NIBAN1: variants seen among roughly 807,000 people sequenced by gnomAD.
The protein encoded by NIBAN1 is protein Niban 1.
A neutral mutation model predicts 75.1 loss-of-function variants in NIBAN1; 81 were observed. That is an observed-to-expected ratio of 1.08 (90% CI 0.90 to 1.30). NIBAN1 has a LOEUF of 1.30. Ranked by LOEUF, NIBAN1 falls within the 50% of genes most tolerant of loss-of-function variation. NIBAN1 has a pLI of 0.00. For synonymous variants in NIBAN1, 436 were observed against 424.8 expected, an observed-to-expected ratio of 1.03 and a Z score of -0.32; for missense variants, 1,133 against 1,128.1, an observed-to-expected ratio of 1.00 and a Z score of -0.06.
rs141177287 is a variant in NIBAN1, at chr1:184,862,249, C to T, written c.601+22384G>A. Among the ~76,000 whole-genome samples the T allele has an allele frequency of 1.8e-3, 276 of 152,216 alleles. 3 individuals are homozygous for T. The South Asian group carries it at 0.022, about 12-fold the overall frequency. The stretch of plus-strand genomic sequence containing the variant: ...TGGAAGTGGCTAGCTAACACTGGGT[C>T]TCTTGATCCTCCTCAGGTCAGCTTC... On this transcript the variant is annotated intron_variant, in intron 5 of 13. Coordinates refer to ENST00000367511, the MANE Select transcript of NIBAN1 (RefSeq NM_052966.4).
intron 5 of NIBAN1, among the ~76,000 whole-genome samples, chr1:184,852,427 G>T (rs193044869): frequency 1.1e-4 from 17 of 152,316 alleles, no homozygotes; most frequent in African/African-American, 4.1e-4. Flanking sequence ...CACTGCACTA[G>T]AATGTCCTTA....
chr1:184,824,593 G>C (rs1227223740), intron 6 of NIBAN1, among the ~76,000 whole-genome samples: 1 of 152,210 alleles, frequency 6.6e-6, no homozygotes, highest in Non-Finnish European at 1.5e-5. Context: ...TGCCAGAACA[G>C]ACCAGGCACA....
intron 5 of NIBAN1, among the ~76,000 whole-genome samples, chr1:184,873,415 C>G (rs750433732): frequency 1.3e-5 from 2 of 152,184 alleles, no homozygotes; most frequent in African/African-American, 4.8e-5. Context: ...ACAACAGATG[C>G]AAGAAGAGCT....
intron 2 of NIBAN1, among the ~76,000 whole-genome samples, chr1:184,897,728 G>A (rs1656837828): frequency 6.6e-6 from 1 of 152,146 alleles, no homozygotes; most frequent in South Asian, 2.1e-4. Flanking sequence ...TTCCTTCTAA[G>A]TAAAAGGCAA....
intron 5 of NIBAN1, among the ~76,000 whole-genome samples, chr1:184,877,458 C>T (rs1277367000): frequency 6.6e-6 from 1 of 152,044 alleles, no homozygotes; most frequent in African/African-American, 2.4e-5. Context: ...AAACATTCTT[C>T]TAAATCTACT....
At chr1:184,892,612 CT>C (rs1248485141) in intron 3 of NIBAN1, among the ~76,000 whole-genome samples, 1 of 152,082 alleles carries the variant, frequency 6.6e-6, no homozygotes, top group Non-Finnish European at 1.5e-5. Flanking sequence ...CAAGAGAGCA[CT>C]TGAGCTTTGC....
chr1:184,931,094 G>T (rs1470679367), intron 1 of NIBAN1, among the ~76,000 whole-genome samples: 1 of 150,780 alleles, frequency 6.6e-6, no homozygotes, highest in African/African-American at 2.5e-5. Flanking sequence ...CCATCTTCTG[G>T]GTTCAAGCAA....
At chr1:184,905,698 C>T (rs565627613) in intron 1 of NIBAN1, among the ~76,000 whole-genome samples, 2 of 152,284 alleles carry the variant, frequency 1.3e-5, no homozygotes, top group South Asian at 2.1e-4. Flanking sequence ...AGCAATCACA[C>T]CTTCTTTGGC....
chr1:184,836,668 A>G (rs560186429), intron 5 of NIBAN1, among the ~76,000 whole-genome samples: 1 of 152,348 alleles, frequency 6.6e-6, no homozygotes, highest in Admixed American at 6.5e-5. Flanking sequence ...AGAAGAGAAG[A>G]AAAGTATTAA....
At chr1:184,943,959 G>A (rs1411633232) in intron 1 of NIBAN1, among the ~76,000 whole-genome samples, 2 of 152,158 alleles carry the variant, frequency 1.3e-5, no homozygotes, top group East Asian at 1.9e-4. Flanking sequence ...TGGATAGGAT[G>A]ATCTTGCAAA....
Position 184,846,008 on chromosome 1 carries a change from G to C in NIBAN1, c.602-14046C>G, listed in dbSNP as rs1233364344. On this transcript the variant is annotated intron_variant, in intron 5 of 13. Transcript: ENST00000367511. ...AATCTCGCTGATTGCTAGCACAGCA[G>C]TCTGAGATCAAACTGCAAGGCGGCA... 1.5e-4 allele frequency among the ~76,000 whole-genome samples: 13 copies of C among 85,172 alleles called. 6 individuals carry two copies. The highest frequency in any genetic ancestry group is 7.0e-4 in the South Asian group (2 of 2,862). The allele number at this position is 85,172 out of a possible 152,430, so 55.9% of individuals were successfully genotyped here.
rs543307101 is a variant in NIBAN1, at chr1:184,897,900, C to A, written c.186+1279G>T. Among the ~76,000 whole-genome samples, 14 of 152,324 alleles carry A rather than the reference C, an allele frequency of 9.2e-5. No individual in the cohort carries two copies. The South Asian group carries it at 1.2e-3, about 14-fold the overall frequency. On this transcript the variant is annotated intron_variant, in intron 2 of 13. Coordinates refer to ENST00000367511, the MANE Select transcript of NIBAN1 (RefSeq NM_052966.4). Reference sequence around the variant, plus strand: ...TCACCACCCCAGTCCAATTTGGCATCATTCTTCCCTCAGATGCTACAGTAT... The same window carrying A: ...TCACCACCCCAGTCCAATTTGGCATAATTCTTCCCTCAGATGCTACAGTAT...
chr1:184,949,581 C>G (rs1658311268), intron 1 of NIBAN1, among the ~76,000 whole-genome samples: 1 of 152,044 alleles, frequency 6.6e-6, no homozygotes, highest in African/African-American at 2.4e-5. Flanking sequence ...ATGGGCTGCC[C>G]CAATCCTTCT....
intron 1 of NIBAN1, among the ~76,000 whole-genome samples, chr1:184,919,306 G>A (rs1657469647): frequency 6.6e-6 from 1 of 152,228 alleles, no homozygotes; most frequent in African/African-American, 2.4e-5. Context: ...TTCCAGGGAA[G>A]GAGTTCCCAA....
intron 2 of NIBAN1, among the ~76,000 whole-genome samples, chr1:184,895,952 C>T (rs184436001): frequency 5.9e-5 from 9 of 152,168 alleles, no homozygotes; most frequent in Admixed American, 5.9e-4. Flanking sequence ...TTTTTTTATC[C>T]AATCAACCGC....
intron 1 of NIBAN1, among the ~76,000 whole-genome samples, chr1:184,972,548 C>T (rs1658965771): frequency 6.6e-6 from 1 of 152,154 alleles, no homozygotes; most frequent in African/African-American, 2.4e-5. Context: ...CTTCCCTCTC[C>T]CACTACACAT....
intron 5 of NIBAN1, among the ~76,000 whole-genome samples, chr1:184,835,964 G>A (rs1467820241): frequency 2.6e-5 from 4 of 152,230 alleles, no homozygotes; most frequent in Non-Finnish European, 5.9e-5. Context: ...CATTCAGTAT[G>A]ATATTGGCTG....
At chr1:184,953,891 GA>G (rs1468137606) in intron 1 of NIBAN1, among the ~76,000 whole-genome samples, 2 of 152,204 alleles carry the variant, frequency 1.3e-5, no homozygotes, top group Non-Finnish European at 2.9e-5. Context: ...AAAGTTCAGA[GA>G]AAATGAGACA....
At chr1:184,844,892 T>C (rs557555594) in intron 5 of NIBAN1, among the ~76,000 whole-genome samples, 1 of 152,332 alleles carries the variant, frequency 6.6e-6, no homozygotes, top group Non-Finnish European at 1.5e-5. Flanking sequence ...GCTAATTTCA[T>C]GGCCCTCTCC....
Sources: allele counts gnomAD v4.1 joint callset (sites outside exome capture counted in the v4.1 genomes callset), GRCh38; gene constraint gnomAD v4.1.1; transcripts MANE v1.5; gene names NCBI Gene and HGNC (gene_info 2026-07-23, HGNC 2026-07-21).